The following GUK1 variants were observed in gnomAD, a reference collection of about 807,000 sequenced individuals.
The protein encoded by GUK1 is guanylate kinase.
In GUK1, 18 loss-of-function variants were observed where a neutral mutation model predicts 25.2. The ratio of observed to expected loss-of-function variants is 0.71; its 90% CI spans 0.49 to 1.06. The LOEUF (loss-of-function observed/expected upper bound fraction) is 1.06, where lower values mean the gene tolerates loss of function less well. Among genes scored for constraint, GUK1 ranks in the 50% least tolerant of loss-of-function variants. The probability of loss-of-function intolerance (pLI) is 0.00; values close to 1 mark genes in which losing one functional copy is unlikely to be tolerated. For synonymous variants in GUK1, 105 were observed against 117.6 expected (o/e 0.89, Z 0.69); for missense variants, 261 against 276.7 (o/e 0.94, Z 0.40).
chr1:228,144,014 G>A (rs1323183278), intron 2 of GUK1, among the ~76,000 whole-genome samples: 3 of 152,176 alleles, frequency 2.0e-5, no homozygotes, highest in African/African-American at 7.2e-5. Context: ...GCGTGTGCAT[G>A]TGTACCTTTG....
chr1:228,142,731 C>T lies in GUK1; in HGVS notation c.-3+1443C>T, dbSNP rs1305337049. On this transcript the variant is annotated intron_variant, in intron 2 of 8. Transcript: ENST00000312726. ...AACCCAGGAGCCAGAGGTGGGACTC[C>T]AGCACCCCCCATTCCTGGGAGTTGG... is the stretch of plus-strand genomic sequence containing the variant. Among the ~76,000 whole-genome samples, 3 of 152,088 alleles carry T rather than the reference C, an allele frequency of 2.0e-5. No homozygotes were observed. In the East Asian group the frequency reaches 5.8e-4, roughly 30 times the overall value.
At position 228,141,196 on chromosome 1, in the gene GUK1, T is replaced by C; in HGVS notation, c.-95T>C. The C allele has an allele frequency of 1.0e-6, 1 of 984,810 alleles. No individual in the cohort carries two copies. Among genetic ancestry groups the C allele is most frequent in the Non-Finnish European group, 1.2e-6 (1 of 829,358 alleles). 61.0% of individuals were successfully genotyped at this position (984,810 alleles called of 1,614,324 possible). ...GACTCGGCCGGTTTTTCTTTCTCCC[T>C]GATGGACAGACCCAAACATAGCCGC... On this transcript the variant is annotated 5_prime_UTR_variant, in exon 2 of 9. Coordinates refer to ENST00000312726, the MANE Select transcript of GUK1 (RefSeq NM_000858.7).
Position 228,148,400 on chromosome 1 carries a change from A to G in GUK1, c.505A>G (p.Ile169Val). The stretch of plus-strand genomic sequence containing the variant: ...GGAGCCCGGCCTGTTTGATGTGGTC[A>G]TCATTAACGACAGCCTGGACCAGGC... Residue 169 changes from isoleucine (I) to valine (V), a missense_variant, in exon 8 of 9, where the codon ATC (isoleucine) becomes GTC (valine). Transcript: ENST00000312726. The G allele has an allele frequency of 1.3e-6, 2 of 1,557,016 alleles. No homozygotes were observed. The highest frequency in any genetic ancestry group is 1.7e-6 in the Non-Finnish European group (2 of 1,146,762).
chr1:228,144,711 C>T, intron 2 of GUK1: 1 of 985,164 alleles, frequency 1.0e-6, no homozygotes, highest in Non-Finnish European at 1.2e-6. Context: ...AGCAGACAGA[C>T]CCACCCCAGG....
chr1:228,148,910 G>A lies in GUK1; in HGVS notation c.*213G>A, dbSNP rs1558116277. ...TCCCTATCTCTCACTCTGGACCCAG[G>A]GCTGACATCCTAATAAAATAACTGT... On this transcript the variant is annotated 3_prime_UTR_variant, in exon 9 of 9. Coordinates refer to ENST00000312726, the MANE Select transcript of GUK1 (RefSeq NM_000858.7). 4 of 1,202,700 alleles carry A rather than the reference G, an allele frequency of 3.3e-6. No individual in the cohort carries two copies. The highest frequency in any genetic ancestry group is 2.6e-5 in the East Asian group (1 of 38,428). 74.5% of individuals were successfully genotyped at this position (1,202,700 alleles called of 1,614,324 possible). A position where few individuals can be genotyped will look rare whatever the true frequency, so the allele number is the denominator to read the frequency against.
At chr1:228,145,438 GAAGGCAGAGGCAGCT>G in intron 2 of GUK1, 58 bp from the exon 2 acceptor site, 2 of 1,430,452 alleles carry the variant, frequency 1.4e-6, no homozygotes, top group Non-Finnish European at 1.9e-6. Context: ...ATGAATTCAG[GAAGGCAGAGGCAGCT>G]CAGCAGATGG....
chr1:228,148,841 A>T lies in GUK1; in HGVS notation c.*144A>T. The stretch of plus-strand genomic sequence containing the variant: ...GAGATGCTGCCCCTGTGGTTGGAAC[A>T]TCCTGGGGTGACCCCCGACCCAGCC... On this transcript the variant is annotated 3_prime_UTR_variant, in exon 9 of 9. Transcript: ENST00000312726. 6.5e-7 allele frequency: 1 copy of T among 1,541,566 alleles called. No homozygotes were observed. Among genetic ancestry groups the T allele is most frequent in the Non-Finnish European group, 8.8e-7 (1 of 1,137,966 alleles).
At chr1:228,147,783 C>G in intron 7 of GUK1, 84 bp downstream of exon 6, 1 of 1,189,906 alleles carries the variant, frequency 8.4e-7, no homozygotes. Flanking sequence ...CCTGTGGGTC[C>G]CCAGACCTCC....
At chr1:228,140,393 G>C (rs1297231025) in intron 1 of GUK1, 30 bp downstream of exon 1, 10 of 1,463,658 alleles carry the variant, frequency 6.8e-6, no homozygotes, top group Non-Finnish European at 8.1e-6. Flanking sequence ...TCGCGAGGGT[G>C]ACTCGGGTCG....
rs769367413 is a variant in GUK1 at position 228,146,950 on chromosome 1, G to A, written c.251+12G>A. Reference sequence around the variant, plus strand: ...CTGTATGGCACGAGGTGGGCCATGCGTGGGTGTGGGTGGGCTCCCAGGGTT... The same window carrying A: ...CTGTATGGCACGAGGTGGGCCATGCATGGGTGTGGGTGGGCTCCCAGGGTT... On this transcript the variant is annotated intron_variant, in intron 5 of 8. Coordinates refer to ENST00000312726, the MANE Select transcript of GUK1 (RefSeq NM_000858.7). The A allele has an allele frequency of 4.1e-5, 64 of 1,548,052 alleles. No homozygotes were observed. Among genetic ancestry groups the A allele is most frequent in the Non-Finnish European group, 2.3e-5 (26 of 1,119,966 alleles).
At chr1:228,141,082 C>T in intron 1 of GUK1, 2 of 956,928 alleles carry the variant, frequency 2.1e-6, no homozygotes, top group Non-Finnish European at 2.5e-6. Context: ...GGGCTGGGTC[C>T]TGCTCTGCTG....
At chr1:228,140,768 G>A (rs578059854) in intron 1 of GUK1, among the ~76,000 whole-genome samples, 1 of 152,266 alleles carries the variant, frequency 6.6e-6, no homozygotes, top group South Asian at 2.1e-4. Flanking sequence ...CTGGGCGGAT[G>A]GAGCCGGCTA....
chr1:228,147,096 A>G, intron 5 of GUK1, 158 bp downstream of exon 4: 1 of 656,830 alleles, frequency 1.5e-6, no homozygotes, highest in Non-Finnish European at 2.8e-6. Flanking sequence ...TCTGTGGCCC[A>G]CAGTGGCTCT....
chr1:228,145,890 C>A lies in GUK1; in HGVS notation c.113-136C>A. 5 of 765,050 alleles carry A rather than the reference C, an allele frequency of 6.5e-6. No individual in the cohort carries two copies. In the Admixed American group the frequency reaches 1.0e-4, roughly 16 times the overall value. 47.4% of individuals were successfully genotyped at this position (765,050 alleles called of 1,614,324 possible). A position where few individuals can be genotyped will look rare whatever the true frequency, so the allele number is the denominator to read the frequency against. Reference sequence around the variant, plus strand: ...TGGGAGAACCCTCGCCTTGTAGGCTCCTGCGCCTTCCCAGTGGTGTGCTTC... The same window carrying A: ...TGGGAGAACCCTCGCCTTGTAGGCTACTGCGCCTTCCCAGTGGTGTGCTTC... On this transcript the variant is annotated intron_variant, in intron 3 of 8. Coordinates refer to ENST00000312726, the MANE Select transcript of GUK1 (RefSeq NM_000858.7).
At chr1:228,141,894 T>C (rs1055601195) in intron 2 of GUK1, 1 of 682,212 alleles carries the variant, frequency 1.5e-6, no homozygotes, top group Non-Finnish European at 2.0e-6. Flanking sequence ...CGACTGTGGG[T>C]TGGTGAGAGT....
At position 228,148,002 on chromosome 1, in the gene GUK1, C is replaced by T. The variant is rs558298918; in HGVS notation, c.475+303C>T. 1.0e-4 allele frequency: 59 copies of T among 582,542 alleles called. 3 individuals are homozygous for T. In the South Asian group the frequency reaches 1.3e-3, roughly 13 times the overall value. The allele number at this position is 582,542 out of a possible 1,614,324, so 36.1% of individuals were successfully genotyped here. On this transcript the variant is annotated intron_variant, in intron 7 of 8. Transcript: ENST00000312726. ...ATGAGATGTCCCCAACCTTCTAGCC[C>T]CGGGGGTGTCATGTGCATCCTCTTA...
Position 228,140,372 on chromosome 1 carries a change from G to A in GUK1, c.-168+9G>A, listed in dbSNP as rs1321559485. On this transcript the variant is annotated intron_variant, in intron 1 of 8. Coordinates refer to ENST00000312726, the MANE Select transcript of GUK1 (RefSeq NM_000858.7). The stretch of plus-strand genomic sequence containing the variant: ...CCGGGCCCCACCGGACGGTGAGTAC[G>A]ACAAGCGCGATCGCGAGGGTGACTC... 2 of 1,508,224 alleles carry A rather than the reference G, an allele frequency of 1.3e-6. No individual in the cohort carries two copies. The highest frequency in any genetic ancestry group is 2.5e-5 in the East Asian group (1 of 39,296). 93.4% of individuals were successfully genotyped at this position (1,508,224 alleles called of 1,614,324 possible). A position where few individuals can be genotyped will look rare whatever the true frequency, so the allele number is the denominator to read the frequency against.
rs199586852 is a variant in GUK1, at chr1:228,147,494, G to A, written c.340G>A (p.Asp114Asn). 5.6e-6 allele frequency: 9 copies of A among 1,613,276 alleles called. No individual in the cohort carries two copies. The highest frequency in any genetic ancestry group is 1.7e-5 in the Admixed American group (1 of 60,020). Residue 114 changes from aspartate to asparagine, a missense_variant, in exon 6 of 9, where the codon GAT becomes AAT. Transcript: ENST00000312726. ...GGGTGTGCGGAACATCAAGGCCACC[G>A]ATCTGCGGCCCATCTACATCTCTGT... is the stretch of plus-strand genomic sequence containing the variant.
chr1:228,146,469 G>A (rs904501310), intron 4 of GUK1: 59 of 422,014 alleles, frequency 1.4e-4, no homozygotes, highest in African/African-American at 1.1e-3. Flanking sequence ...CCCTTGCCGT[G>A]CAACCCAGTG....
Sources: allele counts gnomAD v4.1 joint callset (sites outside exome capture counted in the v4.1 genomes callset), GRCh38; gene constraint gnomAD v4.1.1; transcripts MANE v1.5; gene names NCBI Gene and HGNC (gene_info 2026-07-23, HGNC 2026-07-21).